PRPF3: variants seen among roughly 807,000 people sequenced by gnomAD.
The protein encoded by PRPF3 is pre-mRNA processing factor 3, also known as U4/U6 small nuclear ribonucleoprotein Prp3.
PRPF3 carries 3 observed loss-of-function variants against 89.2 expected under a neutral mutation model. That is an observed-to-expected ratio of 0.03 (90% CI 0.02 to 0.09). The LOEUF (loss-of-function observed/expected upper bound fraction) is 0.09, where lower values mean the gene tolerates loss of function less well. Ranked by LOEUF, PRPF3 falls within the 10% of genes least tolerant of loss-of-function variation. PRPF3 has a pLI of 1.00. For synonymous variants in PRPF3, 270 were observed against 289.1 expected (o/e 0.93, Z 0.67); for missense variants, 463 against 828.8 (o/e 0.56, Z 5.42).
intron 4 of PRPF3, among the ~76,000 whole-genome samples, chr1:150,330,997 G>A (rs1451194404): frequency 3.3e-5 from 5 of 152,120 alleles, no homozygotes; most frequent in South Asian, 2.1e-4. Flanking sequence ...GATTACAGAC[G>A]TGAGCTGCCA....
chr1:150,352,495 C>T lies in PRPF3; in HGVS notation c.1906-338C>T, dbSNP rs1351895203. Among the ~76,000 whole-genome samples, 3 of 151,868 alleles carry T rather than the reference C, an allele frequency of 2.0e-5. No individual in the cohort carries two copies. In the East Asian group the frequency reaches 5.8e-4, roughly 30 times the overall value. On this transcript the variant is annotated intron_variant, in intron 15 of 15. Transcript: ENST00000324862. Reference sequence around the variant, plus strand: ...CCTGGCTAACACGGTGAAACCCCGTCTCTACTAGAAATACAAAAAATCAGC... The same window carrying T: ...CCTGGCTAACACGGTGAAACCCCGTTTCTACTAGAAATACAAAAAATCAGC...
rs587696687 is a variant in PRPF3, at chr1:150,324,380, T to C, written c.-48-515T>C. 2.6e-5 allele frequency among the ~76,000 whole-genome samples: 4 copies of C among 152,326 alleles called. No homozygotes were observed. In the East Asian group the frequency reaches 7.7e-4, roughly 29 times the overall value. On this transcript the variant is annotated intron_variant, in intron 1 of 15. Coordinates refer to ENST00000324862, the MANE Select transcript of PRPF3 (RefSeq NM_004698.4). ...AGTTTGTTTATTCCGCAGATTTCAT[T>C]GATCAACTTAAGAGTTAGAATTAAA...
chr1:150,347,091 C>CA (rs1340998234), intron 14 of PRPF3, among the ~76,000 whole-genome samples: 5 of 148,130 alleles, frequency 3.4e-5, no homozygotes, highest in Admixed American at 2.0e-4. Flanking sequence ...GACCCTGTCT[C>CA]AAAAAAAAGA....
chr1:150,335,097 A>G lies in PRPF3; in HGVS notation c.891A>G (p.Leu297=), dbSNP rs146124055. The part of the protein sequence containing the change: ...AVKREQFKQQ[L]KEKPSEDMES... ...AGAGGGAACAATTCAAGCAACAACT[A>G]AAGGAAAAGCCATCAGAAGACATGG... The change falls in exon 7 of 16, where the codon CTA becomes CTG. Residue 297 remains leucine, a synonymous_variant. Transcript: ENST00000324862. 2 of 1,614,098 alleles carry G rather than the reference A, an allele frequency of 1.2e-6. No homozygotes were observed. The highest frequency in any genetic ancestry group is 1.3e-5 in the African/African-American group (1 of 75,000).
At chr1:150,348,840 A>G (rs1658597483) in intron 14 of PRPF3, 2 of 358,356 alleles carry the variant, frequency 5.6e-6, no homozygotes, top group Non-Finnish European at 1.1e-5. Flanking sequence ...ATGTTGACAT[A>G]TGAAGCCTGC....
chr1:150,340,200 A>C, intron 8 of PRPF3, among the ~76,000 whole-genome samples, 198 bp from the exon 9 acceptor site: 1 of 152,192 alleles, frequency 6.6e-6, no homozygotes, highest in East Asian at 1.9e-4. Flanking sequence ...GTGTTCAACC[A>C]TAGAGGGACT....
At chr1:150,351,197 G>A (rs187761582) in intron 15 of PRPF3, among the ~76,000 whole-genome samples, 100 of 151,346 alleles carry the variant, frequency 6.6e-4, no homozygotes, top group Middle Eastern at 7.0e-3. Flanking sequence ...TCTGGGAAGC[G>A]GAGGTTGCAG....
At chr1:150,329,887 G>A (rs1656147690) in intron 4 of PRPF3, 1 of 152,090 alleles carries the variant, frequency 6.6e-6, no homozygotes. Flanking sequence ...AGCCTCCTAA[G>A]TAGCTGGGAT....
At chr1:150,341,067 C>T (rs1657643286) in intron 9 of PRPF3, among the ~76,000 whole-genome samples, 1 of 140,526 alleles carries the variant, frequency 7.1e-6, no homozygotes, top group South Asian at 2.2e-4. Context: ...GATGGTGCTG[C>T]TGCACTCCAG....
intron 8 of PRPF3, among the ~76,000 whole-genome samples, 172 bp downstream of exon 8, chr1:150,338,498 A>T (rs1207931565): frequency 0.9 from 126,701 of 141,104 alleles, 56,894 homozygotes; most frequent in South Asian, 0.97. Context: ...AGGTCCTGTT[A>T]TTTTTTTTTT....
chr1:150,348,392 TAAATA>T (rs1658514626), intron 14 of PRPF3, among the ~76,000 whole-genome samples: 2 of 147,002 alleles, frequency 1.4e-5, no homozygotes, highest in South Asian at 2.2e-4. Flanking sequence ...AATAAAAATA[TAAATA>T]AAATCTGCAG....
intron 3 of PRPF3, among the ~76,000 whole-genome samples, chr1:150,326,985 T>C (rs1264567310): frequency 6.6e-6 from 1 of 152,150 alleles, no homozygotes; most frequent in East Asian, 1.9e-4. Context: ...TTTTGTTATA[T>C]TTAAGGTGGA....
At chr1:150,350,235 C>G (rs1277629565) in intron 15 of PRPF3, among the ~76,000 whole-genome samples, 3 of 138,094 alleles carry the variant, frequency 2.2e-5, no homozygotes, top group African/African-American at 8.2e-5. Flanking sequence ...GAGTTTTGCC[C>G]TTGTTACCCA....
chr1:150,341,859 A>G (rs1657777272), intron 9 of PRPF3, among the ~76,000 whole-genome samples: 1 of 150,948 alleles, frequency 6.6e-6, no homozygotes, highest in African/African-American at 2.4e-5. Context: ...GCCTGCCACC[A>G]CACCTGGCTA....
intron 4 of PRPF3, among the ~76,000 whole-genome samples, chr1:150,330,957 TCCGC>T (rs782345421): frequency 1.3e-5 from 2 of 151,944 alleles, no homozygotes; most frequent in African/African-American, 2.4e-5. Flanking sequence ...GACCTCGTGA[TCCGC>T]CCGGCTCGGC....
chr1:150,328,586 CT>C, intron 4 of PRPF3, 120 bp downstream of exon 4: 1 of 1,026,112 alleles, frequency 9.7e-7, no homozygotes, highest in Non-Finnish European at 1.3e-6. Context: ...GAGTTTTGCT[CT>C]TGTCACCCAG....
At chr1:150,335,293 A>G (rs1553867051) in intron 7 of PRPF3, 52 bp downstream of exon 7, 8 of 1,553,104 alleles carry the variant, frequency 5.2e-6, no homozygotes, top group East Asian at 2.2e-5. Flanking sequence ...AGAAGCTGAC[A>G]AGAAAACATT....
chr1:150,345,868 C>T (rs1308501939), intron 12 of PRPF3, 150 bp from the exon 13 acceptor site: 3 of 748,362 alleles, frequency 4.0e-6, no homozygotes, highest in Admixed American at 3.6e-5. Context: ...CTCATCAACT[C>T]TACCTTTTAA....
chr1:150,336,138 G>C (rs977450701), intron 7 of PRPF3, among the ~76,000 whole-genome samples: 7 of 152,090 alleles, frequency 4.6e-5, no homozygotes, highest in Non-Finnish European at 2.9e-5. Flanking sequence ...AAAATCACTG[G>C]GAGCCTTGAG....
Sources: gnomAD v4.1 joint callset for allele counts (sites outside exome capture counted in the v4.1 genomes callset) on GRCh38, gnomAD v4.1.1 for gene constraint, MANE v1.5 for transcripts, NCBI Gene and HGNC (gene_info 2026-07-23, HGNC 2026-07-21) for gene names.